Variants in CRLF1 observed in about 807,000 individuals in gnomAD.
CRLF1 encodes the protein cytokine receptor-like factor 1.
In CRLF1, 36 loss-of-function variants were observed where a neutral mutation model predicts 48.9. The ratio of observed to expected loss-of-function variants is 0.74; its 90% CI spans 0.56 to 0.97. The LOEUF is 0.97. Ranked by LOEUF, CRLF1 falls within the 50% of genes least tolerant of loss-of-function variation. The pLI is 0.00. For missense variants in CRLF1, 534 were observed against 575.1 expected, an observed-to-expected ratio of 0.93 and a Z score of 0.73; for synonymous variants, 256 against 253.4, an observed-to-expected ratio of 1.01 and a Z score of -0.10.
chr19:18,597,490 C>CG (rs1976156483), intron 4 of CRLF1, among the ~76,000 whole-genome samples: 1 of 119,896 alleles, frequency 8.3e-6, no homozygotes, highest in Non-Finnish European at 1.6e-5. Flanking sequence ...AGTGCAGTGG[C>CG]GGGATCTCGG....
chr19:18,594,030 G>GGGGGGGGGGGCC, intron 8 of CRLF1, 35 bp downstream of exon 8: 3 of 1,315,304 alleles, frequency 2.3e-6, no homozygotes, highest in Non-Finnish European at 2.1e-6. Flanking sequence ...CCCTCCCCTT[G>GGGGGGGGGGGCC]CTCCCTCCCG....
chr19:18,602,165 C>T (rs1976229394), intron 1 of CRLF1, among the ~76,000 whole-genome samples: 1 of 152,204 alleles, frequency 6.6e-6, no homozygotes, highest in African/African-American at 2.4e-5. Context: ...TGCTGGCCAT[C>T]AGGGCAGCCC....
At chr19:18,597,590 C>G (rs1036978522) in intron 4 of CRLF1, among the ~76,000 whole-genome samples, 1 of 151,868 alleles carries the variant, frequency 6.6e-6, no homozygotes, top group African/African-American at 2.4e-5. Flanking sequence ...CCACTACGCC[C>G]GGCTAAATTG....
chr19:18,597,602 T>A (rs1399862436), intron 4 of CRLF1, among the ~76,000 whole-genome samples: 1 of 151,832 alleles, frequency 6.6e-6, no homozygotes, highest in Non-Finnish European at 1.5e-5. Flanking sequence ...GCTAAATTGT[T>A]TGTATTTTTA....
At position 18,599,623 on chromosome 19, in the gene CRLF1, G is replaced by T. The variant is rs761942142; in HGVS notation, c.339C>A (p.Asn113Lys). Residue 113 changes from asparagine to lysine, a missense_variant, in exon 2 of 9, where the codon AAC becomes AAA. Physicochemically the swap from Asn to Lys is moderately conservative, Grantham distance 94. Around this residue, in one of 2 missense-constraint regions of CRLF1, gnomAD observed 528 missense variants for 555.7 expected, o/e 0.95. Coordinates refer to ENST00000392386, the MANE Select transcript of CRLF1 (RefSeq NM_004750.5). ...LNGSRQRSGD[N>K]LVCHARDGSI... is the part of the protein sequence containing the mutation. Reference sequence around the variant, plus strand: ...TGCCGTCACGGGCGTGGCACACGAGGTTGTCCCCCGACCGCTGCCTGGACC... The same window carrying T: ...TGCCGTCACGGGCGTGGCACACGAGTTTGTCCCCCGACCGCTGCCTGGACC... The T allele has an allele frequency of 3.7e-6, 6 of 1,613,478 alleles. No individual in the cohort carries two copies. The highest frequency in any genetic ancestry group is 1.1e-5 in the South Asian group (1 of 91,076).
chr19:18,603,333 C>T (rs1976243799), intron 1 of CRLF1, among the ~76,000 whole-genome samples: 1 of 152,210 alleles, frequency 6.6e-6, no homozygotes, highest in Non-Finnish European at 1.5e-5. Context: ...GGGAGGTGAC[C>T]TTTGAGCAGA....
At chr19:18,595,277 G>A (rs534452733) in intron 6 of CRLF1, among the ~76,000 whole-genome samples, 23 of 152,328 alleles carry the variant, frequency 1.5e-4, no homozygotes, top group African/African-American at 5.1e-4. Flanking sequence ...TGCAAGAATC[G>A]CAGGTGCCGG....
chr19:18,602,957 C>T lies in CRLF1; in HGVS notation c.116-3111G>A, dbSNP rs146712599. ...AACTCTTGACCTCCAGTGATCCACC[C>T]GCCTTGGCCTCCCAAAGTGCTGGGA... On this transcript the variant is annotated intron_variant, in intron 1 of 8. Coordinates refer to ENST00000392386, the MANE Select transcript of CRLF1 (RefSeq NM_004750.5). 3.2e-3 allele frequency among the ~76,000 whole-genome samples: 494 copies of T among 152,314 alleles called. 4 individuals are homozygous for T. Among genetic ancestry groups the T allele is most frequent in the African/African-American group, 0.011 (471 of 41,586 alleles).
chr19:18,598,770 A>C lies in CRLF1; in HGVS notation c.527+2T>G. ...ACACATCGCCCTCAGGCCACCACCA[A>C]CCTAAGCTTGTACTTGAGGGAGTAG... On this transcript the variant is annotated splice_donor_variant, in intron 3 of 8. Transcript: ENST00000392386. LOFTEE classifies it high-confidence loss of function. The C allele has an allele frequency of 6.2e-7, 1 of 1,614,020 alleles. No homozygotes were observed.
intron 2 of CRLF1, 27 bp downstream of exon 2, chr19:18,599,538 C>G (rs1305480181): frequency 6.2e-7 from 1 of 1,611,530 alleles, no homozygotes; most frequent in Non-Finnish European, 8.5e-7. Flanking sequence ...AAGAGCTACC[C>G]CTGGGGTGTC....
At chr19:18,593,610 G>A (rs1236574470) in intron 8 of CRLF1, 31 bp from the exon 9 acceptor site, 1 of 1,593,510 alleles carries the variant, frequency 6.3e-7, no homozygotes, top group Non-Finnish European at 8.5e-7. Context: ...AAGCTAAGCA[G>A]GGAGTCCAGG....
chr19:18,595,344 C>A (rs1383719653), intron 6 of CRLF1, among the ~76,000 whole-genome samples: 2 of 152,246 alleles, frequency 1.3e-5, no homozygotes, highest in Non-Finnish European at 2.9e-5. Context: ...CCCGCCCACC[C>A]CTGAACCTGG....
rs754193561 is a variant in CRLF1, at chr19:18,596,659, C to T, written c.987G>A (p.Glu329=). 1.1e-5 allele frequency: 17 copies of T among 1,613,954 alleles called. No individual in the cohort carries two copies. The highest frequency in any genetic ancestry group is 1.4e-5 in the Non-Finnish European group (16 of 1,179,994). Residue 329 remains glutamate, a synonymous_variant, in exon 6 of 9, where the codon GAG becomes GAA. Transcript: ENST00000392386. Reference sequence around the variant, plus strand: ...TGGAGGCGGCTGTGGGGTGGCTCCACTCACTCCAGATCCCGGCTTTCTTGG... The same window carrying T: ...TGGAGGCGGCTGTGGGGTGGCTCCATTCACTCCAGATCCCGGCTTTCTTGG... ...YGSKKAGIWS[E]WSHPTAASTP...
chr19:18,595,218 C>T (rs1348834851), intron 6 of CRLF1, among the ~76,000 whole-genome samples: 1 of 152,242 alleles, frequency 6.6e-6, no homozygotes, highest in Non-Finnish European at 1.5e-5. Context: ...GCTGGCCTTC[C>T]CCGGCCTCCC....
At position 18,594,230 on chromosome 19, in the gene CRLF1, G is replaced by A. The variant is rs113715887; in HGVS notation, c.1212+17C>T. 2,419 of 1,612,298 alleles carry A rather than the reference G, an allele frequency of 1.5e-3. No individual in the cohort carries two copies. The highest frequency in any genetic ancestry group is 1.8e-3 in the Non-Finnish European group (2,173 of 1,179,788). On this transcript the variant is annotated intron_variant, in intron 7 of 8. Transcript: ENST00000392386. ...TCCCTGTCCCCACCCCCACGCCCGAGGGTCCCTCCTTCCTACCTGGTTGCG... is the reference window on the plus strand; with the variant it reads ...TCCCTGTCCCCACCCCCACGCCCGAAGGTCCCTCCTTCCTACCTGGTTGCG...
At position 18,606,565 on chromosome 19, in the gene CRLF1, G is replaced by T. The variant is rs1484706048; in HGVS notation, c.92C>A (p.Ala31Glu). The T allele has an allele frequency of 1.7e-6, 2 of 1,152,148 alleles. No individual in the cohort carries two copies. Among genetic ancestry groups the T allele is most frequent in the Non-Finnish European group, 2.1e-6 (2 of 938,236 alleles). 71.4% of individuals were successfully genotyped at this position (1,152,148 alleles called of 1,614,324 possible). ...PLLLLLCVLG[A>E]PRAGSGAHTA... ...ACGGGCTCCTGATCCGGCTCGCGGC[G>T]CCCCGAGGACGCAGAGCAGCAGCAG... The change falls in exon 1 of 9, where the codon GCG becomes GAG. Residue 31 changes from alanine (A) to glutamate (E), a missense_variant. By Grantham distance (107) the Ala-to-Glu change is moderately radical. Transcript: ENST00000392386. This position sits in a 1 kb window ranked among gnomAD's most constrained non-coding sequence, Gnocchi z 4.8.
At chr19:18,594,032 T>TTGGGCCAC in intron 8 of CRLF1, 33 bp downstream of exon 8, 2 of 695,810 alleles carry the variant, frequency 2.9e-6, no homozygotes, top group Non-Finnish European at 4.4e-6. Flanking sequence ...CTCCCCTTGC[T>TTGGGCCAC]CCCTCCCGCC....
chr19:18,606,589 A>G lies in CRLF1; in HGVS notation c.68T>C (p.Leu23Pro). 1 of 1,136,610 alleles carries G rather than the reference A, an allele frequency of 8.8e-7. No homozygotes were observed. The highest frequency in any genetic ancestry group is 1.1e-6 in the Non-Finnish European group (1 of 928,006). 70.4% of individuals were successfully genotyped at this position (1,136,610 alleles called of 1,614,324 possible). ...CGCCCCGAGGACGCAGAGCAGCAGCAGCAGGGGCAGCAACGGCGGCGGCCG... is the reference window on the plus strand; with the variant it reads ...CGCCCCGAGGACGCAGAGCAGCAGCGGCAGGGGCAGCAACGGCGGCGGCCG... ...ARRPPPLLPL[L>P]LLLCVLGAPR... Residue 23 changes from leucine to proline, a missense_variant, in exon 1 of 9, where the codon CTG becomes CCG. Leu to Pro is a moderately conservative substitution (Grantham distance 98). Around this residue, in one of 2 missense-constraint regions of CRLF1, gnomAD observed 528 missense variants for 555.7 expected, o/e 0.95. Coordinates refer to ENST00000392386, the MANE Select transcript of CRLF1 (RefSeq NM_004750.5). This position sits in a 1 kb window ranked among gnomAD's most constrained non-coding sequence, Gnocchi z 4.8.
chr19:18,593,409 G>C lies in CRLF1; in HGVS notation c.*157C>G. 9.8e-7 allele frequency: 1 copy of C among 1,017,782 alleles called. No individual in the cohort carries two copies. 63.0% of individuals were successfully genotyped at this position (1,017,782 alleles called of 1,614,324 possible). A position where few individuals can be genotyped will look rare whatever the true frequency, so the allele number is the denominator to read the frequency against. ...TGCACCCAAAGGTGGCCTCACGTGG[G>C]AGTCAGAGCTGTTATGGCCGTTGGA... is the stretch of plus-strand genomic sequence containing the variant. On this transcript the variant is annotated 3_prime_UTR_variant, in exon 9 of 9. Transcript: ENST00000392386.
Sources: gnomAD v4.1 joint callset for allele counts (sites outside exome capture counted in the v4.1 genomes callset) on GRCh38, gnomAD v4.1.1 for gene constraint, gnomAD v4.1.1 regional missense constraint, Gnocchi (gnomAD v3.1) non-coding constraint, MANE v1.5 for transcripts, NCBI Gene and HGNC (gene_info 2026-07-23, HGNC 2026-07-21) for gene names.